Variants in NELL2 observed in about 807,000 individuals in gnomAD.
NELL2 encodes protein kinase C-binding protein NELL2.
In NELL2, 41 loss-of-function variants were observed where a neutral mutation model predicts 109.6. The observed-to-expected ratio is 0.37, with a 90% confidence interval of 0.29 to 0.49. The LOEUF (loss-of-function observed/expected upper bound fraction) is 0.49. NELL2 is among the 20% of genes least tolerant of loss of function. NELL2 has a pLI of 0.98. For missense variants in NELL2, 900 were observed against 1,008.3 expected (o/e 0.89, Z 1.45); for synonymous variants, 355 against 344.7 (o/e 1.03, Z -0.33).
intron 15 of NELL2, among the ~76,000 whole-genome samples, chr12:44,576,212 C>A (rs752082528): frequency 3.3e-5 from 5 of 152,246 alleles, no homozygotes; most frequent in Non-Finnish European, 7.3e-5. Context: ...CCCCATCCCA[C>A]TCCCCACGCA....
intron 16 of NELL2, among the ~76,000 whole-genome samples, chr12:44,531,450 G>T (rs1168702574): frequency 6.6e-6 from 1 of 152,168 alleles, no homozygotes; most frequent in Non-Finnish European, 1.5e-5. Flanking sequence ...ACCAGTGCAA[G>T]ATAAAGCCCT....
intron 15 of NELL2, among the ~76,000 whole-genome samples, chr12:44,581,486 C>G (rs1274943563): frequency 6.6e-6 from 1 of 152,074 alleles, no homozygotes; most frequent in African/African-American, 2.4e-5. Flanking sequence ...AACAATCAAC[C>G]TACAGATTGA....
At chr12:44,808,659 C>A (rs1027028447) in intron 3 of NELL2, among the ~76,000 whole-genome samples, 1 of 151,876 alleles carries the variant, frequency 6.6e-6, no homozygotes, top group Non-Finnish European at 1.5e-5. Flanking sequence ...CTATTAATTT[C>A]TTCCATAATA....
At chr12:44,788,504 C>A (rs1412288623) in intron 3 of NELL2, among the ~76,000 whole-genome samples, 1 of 152,168 alleles carries the variant, frequency 6.6e-6, no homozygotes, top group African/African-American at 2.4e-5. Context: ...GAGGGAAAGG[C>A]CCTGGGAGCT....
At chr12:44,681,455 T>G (rs964493422) in intron 12 of NELL2, among the ~76,000 whole-genome samples, 8 of 151,844 alleles carry the variant, frequency 5.3e-5, no homozygotes, top group African/African-American at 1.7e-4. Context: ...TTAGGGTACA[T>G]GTGCACAATG....
intron 2 of NELL2, among the ~76,000 whole-genome samples, chr12:44,829,179 T>C (rs1481504248): frequency 6.6e-6 from 1 of 152,052 alleles, no homozygotes; most frequent in African/African-American, 2.4e-5. Flanking sequence ...AAAGATCAAA[T>C]AAGGCAGAAA....
At chr12:44,704,717 C>T (rs1937759337) in intron 11 of NELL2, among the ~76,000 whole-genome samples, 2 of 151,930 alleles carry the variant, frequency 1.3e-5, no homozygotes, top group African/African-American at 4.8e-5. Flanking sequence ...ACTATTTTAG[C>T]CCATGTAAAG....
At chr12:44,825,421 G>T (rs1943680065) in intron 2 of NELL2, among the ~76,000 whole-genome samples, 1 of 106,698 alleles carries the variant, frequency 9.4e-6, no homozygotes, top group Non-Finnish European at 1.7e-5. Context: ...TTTTGAGACA[G>T]AGTCTTGCTC....
chr12:44,685,779 A>G (rs1320887295), intron 12 of NELL2, among the ~76,000 whole-genome samples: 1 of 152,034 alleles, frequency 6.6e-6, no homozygotes, highest in Non-Finnish European at 1.5e-5. Flanking sequence ...TTCTGCGGAG[A>G]GATCTGCTGT....
rs1271739971 is a variant in NELL2 at position 44,522,034 on chromosome 12, G to A, written c.2141C>T (p.Thr714Ile). 6.2e-7 allele frequency: 1 copy of A among 1,613,874 alleles called. No homozygotes were observed. ...GCACTGTTGACAATTCTGGACCCAG[G>A]TGTCACCACTGTTATACAAAGTTTC... ...NGETLYNSGD[T>I]WVQNCQQCRC... Residue 714 changes from threonine to isoleucine, a missense_variant, in exon 18 of 20, where the codon ACC becomes ATC. Transcript: ENST00000429094.
intron 9 of NELL2, among the ~76,000 whole-genome samples, chr12:44,736,486 A>T (rs1939660387): frequency 6.6e-6 from 1 of 152,124 alleles, no homozygotes; most frequent in South Asian, 2.1e-4. Flanking sequence ...GTCAATATAA[A>T]ATATATGTAT....
chr12:44,832,985 T>A (rs1943933019), intron 2 of NELL2, among the ~76,000 whole-genome samples: 1 of 152,200 alleles, frequency 6.6e-6, no homozygotes, highest in East Asian at 1.9e-4. Context: ...AATTTCTAGA[T>A]TATCAGAGAA....
chr12:44,760,833 G>C (rs1941093015), intron 9 of NELL2, among the ~76,000 whole-genome samples: 1 of 151,914 alleles, frequency 6.6e-6, no homozygotes, highest in Non-Finnish European at 1.5e-5. Flanking sequence ...AAGAGGACAG[G>C]GCCTTTTAAA....
At chr12:44,743,670 C>G (rs1290705707) in intron 9 of NELL2, among the ~76,000 whole-genome samples, 6 of 152,156 alleles carry the variant, frequency 3.9e-5, no homozygotes, top group African/African-American at 9.7e-5. Flanking sequence ...ATAAAACAGA[C>G]TTTAAACCAA....
intron 2 of NELL2, among the ~76,000 whole-genome samples, chr12:44,866,240 A>G (rs577146276): frequency 1.3e-5 from 2 of 152,362 alleles, no homozygotes; most frequent in African/African-American, 4.8e-5. Flanking sequence ...CCAATCTAAG[A>G]TATTTTGTTG....
At chr12:44,786,861 T>C (rs1257191003) in intron 3 of NELL2, among the ~76,000 whole-genome samples, 1 of 151,938 alleles carries the variant, frequency 6.6e-6, no homozygotes, top group Non-Finnish European at 1.5e-5. Flanking sequence ...GAACATCACG[T>C]ACCGGGGCCT....
chr12:44,615,270 C>T (rs1308846629), intron 13 of NELL2, among the ~76,000 whole-genome samples: 12 of 151,840 alleles, frequency 7.9e-5, no homozygotes, highest in Admixed American at 7.9e-4. Flanking sequence ...TGCAGATTCC[C>T]AATTAAAAAC....
At position 44,609,832 on chromosome 12, in the gene NELL2, C is replaced by T. The variant is rs185737265; in HGVS notation, c.1567+1016G>A. Among the ~76,000 whole-genome samples the T allele has an allele frequency of 9.9e-5, 15 of 152,056 alleles. No individual in the cohort carries two copies. The East Asian group carries it at 2.7e-3, about 27-fold the overall frequency. ...TGTTCTTTCCTACCTCACACAGACA[C>T]GGTATCATAGCAAACTGATTTTAGT... is the stretch of plus-strand genomic sequence containing the variant. On this transcript the variant is annotated intron_variant, in intron 14 of 19. Transcript: ENST00000429094.
At chr12:44,681,274 GT>G (rs1201698710) in intron 12 of NELL2, among the ~76,000 whole-genome samples, 9 of 144,364 alleles carry the variant, frequency 6.2e-5, no homozygotes, top group Non-Finnish European at 1.0e-4. Flanking sequence ...TTTTTGACTA[GT>G]TTTGTTTTTT....
Sources: gnomAD v4.1 joint callset for allele counts (sites outside exome capture counted in the v4.1 genomes callset) on GRCh38, gnomAD v4.1.1 for gene constraint, MANE v1.5 for transcripts, NCBI Gene and HGNC (gene_info 2026-07-23, HGNC 2026-07-21) for gene names.